TTC7B: variants seen among roughly 807,000 people sequenced by gnomAD.
The protein encoded by TTC7B is tetratricopeptide repeat domain 7B.
A neutral mutation model predicts 106.8 loss-of-function variants in TTC7B; 28 were observed. The observed-to-expected ratio is 0.26, with a 90% CI of 0.19 to 0.36. The LOEUF (loss-of-function observed/expected upper bound fraction) is 0.36, where lower values mean the gene tolerates loss of function less well. TTC7B is among the 10% of genes least tolerant of loss of function. The probability of loss-of-function intolerance (pLI) is 1.00; values close to 1 mark genes in which losing one functional copy is unlikely to be tolerated. For synonymous variants in TTC7B, 405 were observed against 430.6 expected (o/e 0.94, Z 0.74); for missense variants, 862 against 1,076.4 (o/e 0.80, Z 2.79).
At position 90,570,702 on chromosome 14, in the gene TTC7B, G is replaced by A. The variant is rs1457132648; in HGVS notation, c.2310+7404C>T. ...ATGACTCACTCACTGTCAAACAGAC[G>A]CAAAGGATCTCCCAGCCCAGGCGCG... On this transcript the variant is annotated intron_variant, in intron 19 of 19. Coordinates refer to ENST00000328459, the MANE Select transcript of TTC7B (RefSeq NM_001010854.2). The surrounding 1 kb of genome is among the most constrained non-coding windows in gnomAD (Gnocchi z 4.0). Among the ~76,000 whole-genome samples the A allele has an allele frequency of 6.6e-6, 1 of 152,168 alleles. No individual in the cohort carries two copies. The highest frequency in any genetic ancestry group is 2.4e-5 in the African/African-American group (1 of 41,424).
chr14:90,719,720 C>T (rs941042245), intron 5 of TTC7B, among the ~76,000 whole-genome samples: 15 of 152,154 alleles, frequency 9.9e-5, no homozygotes, highest in African/African-American at 3.6e-4. Flanking sequence ...GTGGTTCTGT[C>T]CTATATCTAT....
chr14:90,707,744 C>G (rs1888268804), intron 5 of TTC7B, among the ~76,000 whole-genome samples: 1 of 152,192 alleles, frequency 6.6e-6, no homozygotes, highest in Admixed American at 6.5e-5. Context: ...CCCTAATTCT[C>G]TTCAATTCTT....
Position 90,644,212 on chromosome 14 carries a change from G to C in TTC7B, c.1591-4C>G, listed in dbSNP as rs568928441. 6.4e-7 allele frequency: 1 copy of C among 1,569,224 alleles called. No homozygotes were observed. Among genetic ancestry groups the C allele is most frequent in the Non-Finnish European group, 8.6e-7 (1 of 1,162,176 alleles). ...CATACCCCAGAGCCTCTGGGATCTG[G>C]TTTAAAACAAAACCAAAAAAGGTTT... On this transcript the variant is annotated splice_region_variant and splice_polypyrimidine_tract_variant and intron_variant, in intron 14 of 19. Coordinates refer to ENST00000328459, the MANE Select transcript of TTC7B (RefSeq NM_001010854.2).
Position 90,572,379 on chromosome 14 carries a change from A to C in TTC7B, c.2310+5727T>G, listed in dbSNP as rs529413949. 5.3e-5 allele frequency among the ~76,000 whole-genome samples: 8 copies of C among 152,322 alleles called. No homozygotes were observed. The South Asian group carries it at 1.2e-3, about 24-fold the overall frequency. On this transcript the variant is annotated intron_variant, in intron 19 of 19. Coordinates refer to ENST00000328459, the MANE Select transcript of TTC7B (RefSeq NM_001010854.2). ...AACTGAAAATGTAGTCATAATCCAT[A>C]AGACATATCCACTGCACCTCACATC...
At chr14:90,652,321 C>G (rs146085302) in intron 13 of TTC7B, among the ~76,000 whole-genome samples, 1 of 151,934 alleles carries the variant, frequency 6.6e-6, no homozygotes, top group East Asian at 1.9e-4. Flanking sequence ...AAGGCCTTCT[C>G]CTAATTTCCT....
At chr14:90,728,994 T>G (rs1889220887) in intron 5 of TTC7B, among the ~76,000 whole-genome samples, 1 of 152,226 alleles carries the variant, frequency 6.6e-6, no homozygotes, top group South Asian at 2.1e-4. Flanking sequence ...ATGATCTCAA[T>G]CAGTGGCAGA....
intron 18 of TTC7B, among the ~76,000 whole-genome samples, chr14:90,584,693 G>A (rs775810075): frequency 3.9e-4 from 59 of 151,548 alleles, no homozygotes; most frequent in Non-Finnish European, 7.1e-4. Context: ...CGGAAAGGAC[G>A]CATGGCAGTA....
Position 90,748,177 on chromosome 14 carries a change from T to C in TTC7B, c.446-3255A>G, listed in dbSNP as rs562431426. 2.0e-3 allele frequency among the ~76,000 whole-genome samples: 299 copies of C among 152,332 alleles called. 5 individuals carry two copies. The highest frequency in any genetic ancestry group is 7.0e-3 in the African/African-American group (290 of 41,588). Reference sequence around the variant, plus strand: ...ATCTACCACTTTGCTGTTTGTTTTTTATTTGTCCCATCTGTTCTATTTTTC... The same window carrying C: ...ATCTACCACTTTGCTGTTTGTTTTTCATTTGTCCCATCTGTTCTATTTTTC... On this transcript the variant is annotated intron_variant, in intron 3 of 19. Transcript: ENST00000328459.
chr14:90,594,918 G>A (rs1037077133), intron 17 of TTC7B, among the ~76,000 whole-genome samples: 2 of 152,204 alleles, frequency 1.3e-5, no homozygotes, highest in African/African-American at 4.8e-5. Context: ...CCTTTGGTGA[G>A]GGGTTGGTGG....
At position 90,594,920 on chromosome 14, in the gene TTC7B, G is replaced by T. The variant is rs75413631; in HGVS notation, c.1967-1294C>A. ...AATGCACCTGAATCCTTTGGTGAGG[G>T]GTTGGTGGATGGAAATCAGAGTGGG... On this transcript the variant is annotated intron_variant, in intron 17 of 19. Coordinates refer to ENST00000328459, the MANE Select transcript of TTC7B (RefSeq NM_001010854.2). Among the ~76,000 whole-genome samples, 57 of 152,316 alleles carry T rather than the reference G, an allele frequency of 3.7e-4. 1 individual carries two copies. The East Asian group carries it at 0.011, about 29-fold the overall frequency.
chr14:90,652,452 C>G (rs900649071), intron 13 of TTC7B, among the ~76,000 whole-genome samples: 1 of 148,072 alleles, frequency 6.8e-6, no homozygotes, highest in African/African-American at 2.5e-5. Context: ...CTTCTCATTC[C>G]TTTATACAAA....
chr14:90,646,438 T>C (rs528069747), intron 14 of TTC7B, among the ~76,000 whole-genome samples: 5 of 152,222 alleles, frequency 3.3e-5, no homozygotes, highest in African/African-American at 4.8e-5. Context: ...AGTCCCCTTT[T>C]TCGAGTAGCC....
At chr14:90,572,970 T>G (rs1335314031) in intron 19 of TTC7B, among the ~76,000 whole-genome samples, 1 of 151,972 alleles carries the variant, frequency 6.6e-6, no homozygotes, top group Non-Finnish European at 1.5e-5. Context: ...CCGTCTCTCC[T>G]CCCCATCACT....
intron 15 of TTC7B, among the ~76,000 whole-genome samples, chr14:90,643,731 C>T (rs537073319): frequency 7.9e-5 from 12 of 152,066 alleles, no homozygotes; most frequent in African/African-American, 2.4e-4. Flanking sequence ...TACAGGCGCC[C>T]GCCACCACAC....
rs1432138487 is a variant in TTC7B, at chr14:90,816,070, G to T, written c.121+105C>A. ...CTGGGCCGCAGCTCCCTCGCGGCCC[G>T]GCCGCGCCCCTGCCCGCGCCCCGCG... On this transcript the variant is annotated intron_variant, in intron 1 of 19. Transcript: ENST00000328459. 5.1e-6 allele frequency: 5 copies of T among 977,714 alleles called. No individual in the cohort carries two copies. The African/African-American group carries it at 7.1e-5, about 14-fold the overall frequency. 60.6% of individuals were successfully genotyped at this position (977,714 alleles called of 1,614,324 possible).
At chr14:90,699,540 T>C (rs1397123560) in intron 5 of TTC7B, among the ~76,000 whole-genome samples, 1 of 152,118 alleles carries the variant, frequency 6.6e-6, no homozygotes, top group Non-Finnish European at 1.5e-5. Context: ...CTCAAAGTAG[T>C]AGTGTGAATA....
At chr14:90,784,673 C>T (rs573303072) in intron 2 of TTC7B, among the ~76,000 whole-genome samples, 2 of 152,214 alleles carry the variant, frequency 1.3e-5, no homozygotes, top group East Asian at 3.9e-4. Context: ...TGTGGCATGG[C>T]CCTTACAGAG....
At chr14:90,579,518 C>G (rs1055063269) in intron 18 of TTC7B, among the ~76,000 whole-genome samples, 1 of 152,366 alleles carries the variant, frequency 6.6e-6, no homozygotes, top group East Asian at 1.9e-4. Flanking sequence ...AAAGTTTAGG[C>G]AAGTTGCGGT....
chr14:90,799,535 A>G (rs909644656), intron 1 of TTC7B, among the ~76,000 whole-genome samples: 1 of 152,192 alleles, frequency 6.6e-6, no homozygotes, highest in African/African-American at 2.4e-5. Context: ...ACTCAAGGGC[A>G]GGGCATCCAA....
Sources: gnomAD v4.1 joint callset for allele counts (sites outside exome capture counted in the v4.1 genomes callset) on GRCh38, gnomAD v4.1.1 for gene constraint, Gnocchi (gnomAD v3.1) non-coding constraint, MANE v1.5 for transcripts, NCBI Gene and HGNC (gene_info 2026-07-23, HGNC 2026-07-21) for gene names.